Variants in ABR observed in about 807,000 individuals in gnomAD.
ABR encodes ABR activator of RhoGEF and GTPase, also known as active breakpoint cluster region-related protein.
Under a neutral mutation model 107.2 loss-of-function variants are expected in ABR, and 35 were observed. That is an observed-to-expected ratio of 0.33 (90% confidence interval 0.25 to 0.43). The LOEUF is 0.43. Ranked by LOEUF, ABR falls within the 20% of genes least tolerant of loss-of-function variation. The probability of loss-of-function intolerance (pLI) is 1.00; values close to 1 mark genes in which losing one functional copy is unlikely to be tolerated. For missense variants in ABR, 815 were observed against 1,115.2 expected (o/e 0.73, Z 3.83); for synonymous variants, 498 against 462.0 (o/e 1.08, Z -1.00).
At chr17:1,016,833 G>A (rs2071202947) in intron 16 of ABR, among the ~76,000 whole-genome samples, 2 of 152,120 alleles carry the variant, frequency 1.3e-5, no homozygotes, top group Non-Finnish European at 1.5e-5. Context: ...GTCGCCCTCA[G>A]AACGTCTCTG....
At chr17:1,031,118 C>T (rs112963663) in intron 16 of ABR, among the ~76,000 whole-genome samples, 2,280 of 152,282 alleles carry the variant, frequency 0.015, 67 homozygotes, top group African/African-American at 0.051. Context: ...AGGGAAGCCT[C>T]GAGCCCCCAG....
rs746721321 is a variant in ABR at position 1,009,711 on chromosome 17, G to A, written c.2310C>T (p.Ile770=). 1.3e-5 allele frequency: 21 copies of A among 1,613,990 alleles called. No homozygotes were observed. Among genetic ancestry groups the A allele is most frequent in the Non-Finnish European group, 1.7e-5 (20 of 1,179,980 alleles). The change falls in exon 21 of 23, where the codon ATC becomes ATT. Residue 770 remains isoleucine (I), a synonymous_variant. Transcript: ENST00000302538. The part of the protein sequence containing the change: ...LLRSLPDPNL[I]TFLFLLEHLK... The stretch of plus-strand genomic sequence containing the variant: ...AGTGTTCCAGCAGGAAGAGGAAGGT[G>A]ATGAGGTTGGGGTCGGGCAGGGAGC...
At chr17:1,136,740 T>C (rs1306756983) in intron 1 of ABR, among the ~76,000 whole-genome samples, 4 of 152,186 alleles carry the variant, frequency 2.6e-5, no homozygotes, top group Admixed American at 2.0e-4. Context: ...TTCACAGACT[T>C]GCAGAGTGCG....
At chr17:1,013,673 G>T (rs1247428449) in intron 16 of ABR, among the ~76,000 whole-genome samples, 1 of 152,212 alleles carries the variant, frequency 6.6e-6, no homozygotes, top group African/African-American at 2.4e-5. Flanking sequence ...TTGAATCCTG[G>T]CAAGTTTTAA....
At chr17:1,021,087 A>T (rs1361189404) in intron 16 of ABR, among the ~76,000 whole-genome samples, 2 of 151,956 alleles carry the variant, frequency 1.3e-5, no homozygotes, top group Non-Finnish European at 2.9e-5. Context: ...GGGCCCTTTA[A>T]TCCACAGTAA....
At chr17:1,192,294 T>G (rs948560774), upstream of ABR, among the ~76,000 whole-genome samples, 10 of 152,126 alleles carry the variant, frequency 6.6e-5, no homozygotes, top group African/African-American at 2.4e-4. Context: ...TACTTATTAT[T>G]TCACTGAATA....
In ABR at chr17:1,089,350, T is replaced by C. The variant is rs75807113; in HGVS notation, c.531+2315A>G. On this transcript the variant is annotated intron_variant, in intron 4 of 22. Transcript: ENST00000302538. Reference sequence around the variant, plus strand: ...CACTCAGCCCCATGCAGTTTTCAGATATTAACTCCTCAAAATCACCCAATG... The same window carrying C: ...CACTCAGCCCCATGCAGTTTTCAGACATTAACTCCTCAAAATCACCCAATG... 7.8e-3 allele frequency among the ~76,000 whole-genome samples: 1,185 copies of C among 152,314 alleles called. 8 individuals are homozygous for C. The highest frequency in any genetic ancestry group is 0.031 in the Middle Eastern group (9 of 294).
rs56033950 is a variant in ABR, at chr17:1,022,120, A to AAAAAAAAAAC, written c.1792-8957_1792-8956insGTTTTTTTTT. Reference sequence around the variant, plus strand: ...AGACTCTGTCTCAAAAAAAAAAAAAAAAAAACAGAAAATGACTCCAGAAGG... The same window carrying AAAAAAAAAAC: ...AGACTCTGTCTCAAAAAAAAAAAAAAAAAAAAAAACAAAAACAGAAAATGACTCCAGAAGG... On this transcript the variant is annotated intron_variant, in intron 16 of 22. Transcript: ENST00000302538. Among the ~76,000 whole-genome samples the AAAAAAAAAAC allele has an allele frequency of 4.4e-4, 52 of 118,392 alleles. 3 individuals carry two copies. Among genetic ancestry groups the AAAAAAAAAAC allele is most frequent in the African/African-American group, 8.8e-4 (24 of 27,376 alleles). The allele number at this position is 118,392 out of a possible 152,430, so 77.7% of individuals were successfully genotyped here. A position where few individuals can be genotyped will look rare whatever the true frequency, so the allele number is the denominator to read the frequency against.
At position 1,050,228 on chromosome 17, in the gene ABR, G is replaced by A. The variant is rs202182325; in HGVS notation, c.1660-47C>T. The A allele has an allele frequency of 2.6e-5, 41 of 1,583,168 alleles. No homozygotes were observed. Among genetic ancestry groups the A allele is most frequent in the Non-Finnish European group, 3.3e-5 (39 of 1,168,410 alleles). ...GGCCCTGAACCTCCGAAGCTGGGAG[G>A]CCTGGCTTTCCGGCAGGTGCGTGCC... On this transcript the variant is annotated intron_variant, in intron 15 of 22. Coordinates refer to ENST00000302538, the MANE Select transcript of ABR (RefSeq NM_021962.5). The surrounding 1 kb of genome is among the most constrained non-coding windows in gnomAD (Gnocchi z 4.6).
chr17:1,028,735 C>G (rs2072449795), intron 16 of ABR, among the ~76,000 whole-genome samples: 1 of 152,234 alleles, frequency 6.6e-6, no homozygotes, highest in Admixed American at 6.5e-5. Context: ...TCACCTGAAG[C>G]TGCACTCAAT....
chr17:1,112,580 G>C (rs762815804), intron 2 of ABR, among the ~76,000 whole-genome samples: 3 of 147,674 alleles, frequency 2.0e-5, no homozygotes, highest in Non-Finnish European at 4.5e-5. Context: ...CTGGGCAACA[G>C]AGCCAGACTC....
chr17:1,089,187 C>T (rs980194232), intron 4 of ABR, among the ~76,000 whole-genome samples: 2 of 152,092 alleles, frequency 1.3e-5, no homozygotes, highest in South Asian at 2.1e-4. Flanking sequence ...TGAGCCACCA[C>T]GCTCAGTCAG....
intron 1 of ABR, among the ~76,000 whole-genome samples, chr17:1,212,322 T>C (rs1245442597): frequency 6.6e-6 from 1 of 151,916 alleles, no homozygotes; most frequent in Non-Finnish European, 1.5e-5. Context: ...TCCCAGCTAC[T>C]TGAGAGGCTG....
intron 1 of ABR, among the ~76,000 whole-genome samples, chr17:1,174,399 T>C (rs2041851531): frequency 6.6e-6 from 1 of 151,870 alleles, no homozygotes; most frequent in Non-Finnish European, 1.5e-5. Flanking sequence ...AGAACTGAAC[T>C]GCTCTGATCA....
intron 13 of ABR, among the ~76,000 whole-genome samples, chr17:1,056,773 C>T (rs1396130667): frequency 6.6e-6 from 1 of 152,184 alleles, no homozygotes; most frequent in Non-Finnish European, 1.5e-5. Flanking sequence ...GGTGCCAGTT[C>T]TCCCAAGCCA....
chr17:1,095,326 C>T (rs547499161), intron 3 of ABR, among the ~76,000 whole-genome samples: 4 of 152,334 alleles, frequency 2.6e-5, no homozygotes, highest in South Asian at 4.1e-4. Flanking sequence ...GGGGCCTGCG[C>T]TTGGGGCATC....
chr17:1,012,838 G>T, intron 17 of ABR, 41 bp from the exon 18 acceptor site: 1 of 1,495,534 alleles, frequency 6.7e-7, no homozygotes, highest in Non-Finnish European at 9.1e-7. Flanking sequence ...CCCAGGGTGT[G>T]AGTGCCCGAG....
intron 16 of ABR, among the ~76,000 whole-genome samples, chr17:1,014,015 A>G (rs1286192825): frequency 3.3e-5 from 5 of 152,262 alleles, no homozygotes; most frequent in Non-Finnish European, 5.9e-5. Flanking sequence ...AAGTTTAAAT[A>G]GTTGCAAAGA....
In ABR at chr17:1,072,762, G is replaced by A; in HGVS notation, c.754-8C>T. 6.2e-7 allele frequency: 1 copy of A among 1,611,992 alleles called. No individual in the cohort carries two copies. Among genetic ancestry groups the A allele is most frequent in the Non-Finnish European group, 8.5e-7 (1 of 1,179,520 alleles). ...TGTGTGCTTCAGCAGGTCCTGGGAAGGGTGAGGCGGTGAGTTGAGGGGAGC... is the reference window on the plus strand; with the variant it reads ...TGTGTGCTTCAGCAGGTCCTGGGAAAGGTGAGGCGGTGAGTTGAGGGGAGC... On this transcript the variant is annotated splice_region_variant and splice_polypyrimidine_tract_variant and intron_variant, in intron 7 of 22. Coordinates refer to ENST00000302538, the MANE Select transcript of ABR (RefSeq NM_021962.5).
Sources: allele counts gnomAD v4.1 joint callset (sites outside exome capture counted in the v4.1 genomes callset), GRCh38; gene constraint gnomAD v4.1.1; non-coding constraint Gnocchi (gnomAD v3.1); transcripts MANE v1.5; gene names NCBI Gene and HGNC (gene_info 2026-07-23, HGNC 2026-07-21).